ZNF423: variants seen among roughly 807,000 people sequenced by gnomAD.
The protein encoded by ZNF423 is zinc finger protein 423, also known as Ebf-associated zinc finger protein.
In ZNF423, 12 loss-of-function variants were observed where a neutral mutation model predicts 95.8. That is an observed-to-expected ratio of 0.13 (90% CI 0.08 to 0.20). ZNF423 has a LOEUF of 0.20. Ranked by LOEUF, ZNF423 falls within the 10% of genes least tolerant of loss-of-function variation. The pLI, the probability that ZNF423 is intolerant of heterozygous loss-of-function variation, is 1.00. For synonymous variants in ZNF423, 749 were observed against 711.9 expected (o/e 1.05, Z -0.83); for missense variants, 1,316 against 1,737.1 (o/e 0.76, Z 4.31).
chr16:49,711,735 A>G (rs1341859643), intron 3 of ZNF423: 1 of 152,264 alleles, frequency 6.6e-6, no homozygotes, highest in African/African-American at 2.4e-5. Context: ...TCTGGAATCA[A>G]GAAAGCCAAA....
chr16:49,637,134 G>C lies in ZNF423; in HGVS notation c.2042C>G (p.Ser681Cys), dbSNP rs1460299301. Residue 681 changes from serine to cysteine, a missense_variant, in exon 4 of 8, where the codon TCC becomes TGC. Physicochemically the swap from Ser to Cys is moderately radical, Grantham distance 112. Coordinates refer to ENST00000563137, the MANE Select transcript of ZNF423 (RefSeq NM_001379286.1). This position sits in a 1 kb window ranked among gnomAD's most constrained non-coding sequence, Gnocchi z 5.6. The stretch of plus-strand genomic sequence containing the variant: ...CAGGTGCTGCAGGAGGGACTCCTGG[G>C]AGTCAAAGTCCTCTTTGCACTGGGG... ...ACPQCKEDFD[S>C]QESLLQHLTV... 6.2e-7 allele frequency: 1 copy of C among 1,613,462 alleles called. No homozygotes were observed. The highest frequency in any genetic ancestry group is 8.5e-7 in the Non-Finnish European group (1 of 1,179,994).
chr16:49,548,681 T>G (rs1020710714), intron 5 of ZNF423, among the ~76,000 whole-genome samples: 5 of 152,176 alleles, frequency 3.3e-5, no homozygotes, highest in Non-Finnish European at 1.5e-5. Flanking sequence ...GACAGCCGCC[T>G]TCGGGGAAGC....
intron 3 of ZNF423, among the ~76,000 whole-genome samples, chr16:49,659,350 C>T (rs1385447097): frequency 6.6e-6 from 1 of 152,240 alleles, no homozygotes; most frequent in African/African-American, 2.4e-5. Context: ...CCTCAGCCTG[C>T]CAAAGTGTCA....
Position 49,636,323 on chromosome 16 carries a change from G to A in ZNF423, c.2853C>T (p.Asn951=), listed in dbSNP as rs369438876. 47 of 1,612,642 alleles carry A rather than the reference G, an allele frequency of 2.9e-5. No individual in the cohort carries two copies. Among genetic ancestry groups the A allele is most frequent in the African/African-American group, 5.3e-5 (4 of 75,032 alleles). ...GCGTCTGCAGGTGCTCCCGTAGCCCGTTCTCCGAGAAGAAAGTCCGTGAAC... is the reference window on the plus strand; with the variant it reads ...GCGTCTGCAGGTGCTCCCGTAGCCCATTCTCCGAGAAGAAAGTCCGTGAAC... ...NVCSRTFFSE[N]GLREHLQTHR... Residue 951 remains asparagine (N), a synonymous_variant, in exon 4 of 8, where the codon AAC becomes AAT. Coordinates refer to ENST00000563137, the MANE Select transcript of ZNF423 (RefSeq NM_001379286.1). This position sits in a 1 kb window ranked among gnomAD's most constrained non-coding sequence, Gnocchi z 8.6.
At chr16:49,746,866 C>T (rs142961269) in intron 2 of ZNF423, among the ~76,000 whole-genome samples, 3,355 of 152,322 alleles carry the variant, frequency 0.022, 39 homozygotes, top group Non-Finnish European at 0.034. Flanking sequence ...CAGCACCTCA[C>T]GGTGCCCAGC....
chr16:49,580,796 T>C (rs1412886545), intron 5 of ZNF423, among the ~76,000 whole-genome samples: 1 of 152,108 alleles, frequency 6.6e-6, no homozygotes, highest in Non-Finnish European at 1.5e-5. Context: ...AATAAAATCT[T>C]GCTTCCAACG....
chr16:49,642,168 A>G (rs1972995656), intron 3 of ZNF423, among the ~76,000 whole-genome samples: 1 of 152,184 alleles, frequency 6.6e-6, no homozygotes, highest in Non-Finnish European at 1.5e-5. Flanking sequence ...ATTAATTTCT[A>G]TTCATCCTCA....
At chr16:49,547,055 T>A (rs905495360) in intron 5 of ZNF423, among the ~76,000 whole-genome samples, 1 of 149,756 alleles carries the variant, frequency 6.7e-6, no homozygotes, top group Non-Finnish European at 1.5e-5. Flanking sequence ...ACACTTCCAA[T>A]ACCCTGCAGA....
At chr16:49,701,606 G>A (rs1482599220) in intron 3 of ZNF423, among the ~76,000 whole-genome samples, 1 of 152,108 alleles carries the variant, frequency 6.6e-6, no homozygotes, top group Non-Finnish European at 1.5e-5. Flanking sequence ...GAGGGGCACG[G>A]CAGAGGTGTT....
chr16:49,804,060 C>G (rs1597024204), intron 1 of ZNF423, among the ~76,000 whole-genome samples: 1 of 151,432 alleles, frequency 6.6e-6, no homozygotes, highest in African/African-American at 2.4e-5. Context: ...CTCAGCCTCC[C>G]CAGTAACTGA....
At chr16:49,834,560 C>A (rs1349610722) in intron 1 of ZNF423, among the ~76,000 whole-genome samples, 1 of 152,148 alleles carries the variant, frequency 6.6e-6, no homozygotes, top group Non-Finnish European at 1.5e-5. Flanking sequence ...GCACGCTCGC[C>A]AAGGAGGCGG....
At chr16:49,599,447 T>A (rs574833686) in intron 5 of ZNF423, among the ~76,000 whole-genome samples, 17 of 152,266 alleles carry the variant, frequency 1.1e-4, no homozygotes, top group Non-Finnish European at 2.1e-4. Flanking sequence ...CACAAATGTA[T>A]AAACCAAGAC....
intron 5 of ZNF423, 145 bp from the exon 6 acceptor site, chr16:49,525,639 T>C: frequency 8.6e-7 from 1 of 1,164,954 alleles, no homozygotes; most frequent in African/African-American, 1.5e-5. Context: ...ACACCAAGAC[T>C]CATCCTGGCT....
At chr16:49,851,251 T>C (rs907734674) in intron 1 of ZNF423, among the ~76,000 whole-genome samples, 1 of 152,194 alleles carries the variant, frequency 6.6e-6, no homozygotes, top group Non-Finnish European at 1.5e-5. Context: ...TAACACTGCC[T>C]TGAAAAAGCA....
chr16:49,729,250 A>T (rs1194662562), intron 3 of ZNF423, among the ~76,000 whole-genome samples: 1 of 152,260 alleles, frequency 6.6e-6, no homozygotes, highest in Non-Finnish European at 1.5e-5. Flanking sequence ...TTAGTTGATT[A>T]TAAAGTAAGT....
At chr16:49,687,653 C>G (rs1002906793) in intron 3 of ZNF423, among the ~76,000 whole-genome samples, 4 of 152,142 alleles carry the variant, frequency 2.6e-5, no homozygotes, top group Non-Finnish European at 5.9e-5. Context: ...AAATGAGGAA[C>G]CAGGGGGGCC....
intron 5 of ZNF423, among the ~76,000 whole-genome samples, chr16:49,546,596 C>T (rs937653673): frequency 1.2e-4 from 18 of 152,104 alleles, no homozygotes; most frequent in African/African-American, 4.1e-4. Flanking sequence ...GATTTAAACT[C>T]GAGGGCAAGA....
intron 5 of ZNF423, among the ~76,000 whole-genome samples, chr16:49,604,689 G>C (rs1254622825): frequency 6.6e-6 from 1 of 152,042 alleles, no homozygotes; most frequent in Non-Finnish European, 1.5e-5. Flanking sequence ...CCAACTTCCA[G>C]TCTGGCCATC....
intron 1 of ZNF423, among the ~76,000 whole-genome samples, chr16:49,809,687 G>A (rs1442846048): frequency 1.3e-5 from 2 of 152,186 alleles, no homozygotes; most frequent in Non-Finnish European, 2.9e-5. Flanking sequence ...GGAGAGGTGG[G>A]GACCCCCGGG....
Sources: gnomAD v4.1 joint callset for allele counts (sites outside exome capture counted in the v4.1 genomes callset) on GRCh38, gnomAD v4.1.1 for gene constraint, Gnocchi (gnomAD v3.1) non-coding constraint, MANE v1.5 for transcripts, NCBI Gene and HGNC (gene_info 2026-07-23, HGNC 2026-07-21) for gene names.